Variants in KLHL29 observed in about 807,000 individuals in gnomAD.
KLHL29 encodes the protein kelch like family member 29.
KLHL29 carries 21 observed loss-of-function variants against 80.4 expected under a neutral mutation model. The observed-to-expected ratio is 0.26, with a 90% CI of 0.19 to 0.38. The LOEUF (loss-of-function observed/expected upper bound fraction) is 0.38, where lower values mean the gene tolerates loss of function less well. KLHL29 is among the 10% of genes least tolerant of loss of function. KLHL29 has a pLI of 1.00. For synonymous variants in KLHL29, 511 were observed against 526.8 expected (o/e 0.97, Z 0.41); for missense variants, 867 against 1,223.9 (o/e 0.71, Z 4.35).
intron 3 of KLHL29, among the ~76,000 whole-genome samples, chr2:23,575,733 G>A (rs1667826763): frequency 6.6e-6 from 1 of 152,178 alleles, no homozygotes; most frequent in Non-Finnish European, 1.5e-5. Flanking sequence ...CTTTGAAGGT[G>A]AGTTTGATCC....
intron 3 of KLHL29, among the ~76,000 whole-genome samples, chr2:23,613,129 T>C (rs142889508): frequency 7.2e-5 from 11 of 151,744 alleles, no homozygotes; most frequent in Middle Eastern, 3.4e-3. Flanking sequence ...AAATACCTAA[T>C]CCAAAAGAAG....
intron 2 of KLHL29, among the ~76,000 whole-genome samples, chr2:23,490,776 G>T (rs768512427): frequency 1.3e-5 from 2 of 152,090 alleles, no homozygotes; most frequent in Non-Finnish European, 2.9e-5. Context: ...CTCAGGGCTG[G>T]TTACATGGAT....
intron 1 of KLHL29, among the ~76,000 whole-genome samples, chr2:23,396,318 C>A (rs1012384454): frequency 6.6e-6 from 1 of 152,194 alleles, no homozygotes; most frequent in Non-Finnish European, 1.5e-5. Flanking sequence ...TTGGGACCCT[C>A]GTAGCCACCC....
chr2:23,558,917 C>T (rs10165828), intron 2 of KLHL29, among the ~76,000 whole-genome samples: 126,729 of 152,296 alleles, frequency 0.83, 53,068 homozygotes, highest in East Asian at 1. Flanking sequence ...TTCAAGTTGC[C>T]GGGGTCACAC....
chr2:23,613,010 G>A (rs1345118294), intron 3 of KLHL29, among the ~76,000 whole-genome samples: 1 of 152,098 alleles, frequency 6.6e-6, no homozygotes, highest in African/African-American at 2.4e-5. Context: ...ATTATTTTAA[G>A]GCCCTTGAAT....
At chr2:23,435,746 G>A (rs114530455) in intron 1 of KLHL29, among the ~76,000 whole-genome samples, 9 of 152,184 alleles carry the variant, frequency 5.9e-5, no homozygotes, top group South Asian at 4.1e-4. Context: ...AGCATAGTGC[G>A]ATGGGATAGT....
chr2:23,705,125 C>T (rs932945405), intron 13 of KLHL29, among the ~76,000 whole-genome samples: 1 of 152,234 alleles, frequency 6.6e-6, no homozygotes, highest in Non-Finnish European at 1.5e-5. Context: ...CTGACTACCC[C>T]GTCCACTGAT....
intron 3 of KLHL29, among the ~76,000 whole-genome samples, chr2:23,568,008 T>C (rs1171344693): frequency 6.6e-6 from 1 of 152,226 alleles, no homozygotes; most frequent in Non-Finnish European, 1.5e-5. Flanking sequence ...GTGTATTCAT[T>C]GACTTACAAC....
chr2:23,557,909 A>G (rs555315208), intron 2 of KLHL29, among the ~76,000 whole-genome samples: 7 of 152,288 alleles, frequency 4.6e-5, no homozygotes, highest in South Asian at 2.1e-4. Flanking sequence ...TCAGTGCCTT[A>G]TCACAACAAA....
chr2:23,552,167 T>A lies in KLHL29; in HGVS notation c.-45-9985T>A, dbSNP rs560887515. Among the ~76,000 whole-genome samples the A allele has an allele frequency of 2.0e-5, 3 of 152,330 alleles. 1 individual carries two copies. In the East Asian group the frequency reaches 5.8e-4, roughly 29 times the overall value. On this transcript the variant is annotated intron_variant, in intron 2 of 13. Coordinates refer to ENST00000486442, the MANE Select transcript of KLHL29 (RefSeq NM_052920.2). ...TTACAGGGGCTCTCCAAATCCTCTT[T>A]GGCTTTGTGTAACTGAAACTTCGTG...
rs114911645 is a variant in KLHL29, at chr2:23,448,349, G to T, written c.-153-27211G>T. Among the ~76,000 whole-genome samples the T allele has an allele frequency of 7.2e-3, 1,090 of 152,264 alleles. 17 individuals carry two copies. The highest frequency in any genetic ancestry group is 0.025 in the African/African-American group (1,052 of 41,538). ...GTATGGGTAATCTAATCAGATCCTT[G>T]TGACAACCCTTTGAGGCAGTTGATA... On this transcript the variant is annotated intron_variant, in intron 1 of 13. Coordinates refer to ENST00000486442, the MANE Select transcript of KLHL29 (RefSeq NM_052920.2).
chr2:23,594,849 T>G (rs1440042036), intron 3 of KLHL29, among the ~76,000 whole-genome samples: 2 of 152,228 alleles, frequency 1.3e-5, no homozygotes, highest in Non-Finnish European at 2.9e-5. Flanking sequence ...TAATTTTATA[T>G]TTTTGCTTAA....
intron 3 of KLHL29, among the ~76,000 whole-genome samples, chr2:23,621,239 C>CT (rs1224496453): frequency 2.0e-5 from 3 of 152,232 alleles, no homozygotes; most frequent in Admixed American, 2.0e-4. Flanking sequence ...CACCCACAGC[C>CT]TTCCAGAGCC....
intron 3 of KLHL29, among the ~76,000 whole-genome samples, chr2:23,575,876 T>G (rs1324701614): frequency 6.6e-6 from 1 of 152,214 alleles, no homozygotes; most frequent in African/African-American, 2.4e-5. Context: ...GCACAGAGCC[T>G]GGCAGATAGA....
intron 1 of KLHL29, among the ~76,000 whole-genome samples, chr2:23,447,800 AGAT>A (rs1366684239): frequency 1.3e-5 from 2 of 152,206 alleles, no homozygotes; most frequent in Non-Finnish European, 2.9e-5. Context: ...TTATCCCAAT[AGAT>A]GTGAATCCTT....
At chr2:23,499,799 T>C (rs1665384174) in intron 2 of KLHL29, among the ~76,000 whole-genome samples, 1 of 152,250 alleles carries the variant, frequency 6.6e-6, no homozygotes, top group African/African-American at 2.4e-5. Flanking sequence ...GCTGTGTTTA[T>C]GACACATCTT....
rs569920195 is a variant in KLHL29, at chr2:23,682,690, G to C, written c.941-1709G>C. Among the ~76,000 whole-genome samples the C allele has an allele frequency of 6.8e-6, 1 of 146,940 alleles. No homozygotes were observed. The highest frequency in any genetic ancestry group is 2.2e-4 in the South Asian group (1 of 4,474). ...CTCCTGCACCCTCCCACACCCTCCC[G>C]CACCCTCCCGCGCCCTCCCACTGGT... On this transcript the variant is annotated intron_variant, in intron 5 of 13. Coordinates refer to ENST00000486442, the MANE Select transcript of KLHL29 (RefSeq NM_052920.2). The surrounding 1 kb of genome is among the most constrained non-coding windows in gnomAD (Gnocchi z 4.1).
intron 13 of KLHL29, among the ~76,000 whole-genome samples, chr2:23,704,886 A>G (rs1244697420): frequency 6.6e-6 from 1 of 152,252 alleles, no homozygotes; most frequent in Admixed American, 6.5e-5. Context: ...AATAGCATGA[A>G]GTACTTAGAG....
chr2:23,655,242 C>T (rs1322516528), intron 5 of KLHL29, among the ~76,000 whole-genome samples: 9 of 152,178 alleles, frequency 5.9e-5, no homozygotes, highest in African/African-American at 1.2e-4. Context: ...CCTGTTGCTG[C>T]GTCTCCCACA....
Sources: gnomAD v4.1 joint callset for allele counts (sites outside exome capture counted in the v4.1 genomes callset) on GRCh38, gnomAD v4.1.1 for gene constraint, Gnocchi (gnomAD v3.1) non-coding constraint, MANE v1.5 for transcripts, NCBI Gene and HGNC (gene_info 2026-07-23, HGNC 2026-07-21) for gene names.